DPF1: variants seen among roughly 807,000 people sequenced by gnomAD.
DPF1 encodes the protein zinc finger protein neuro-d4.
A neutral mutation model predicts 58.7 loss-of-function variants in DPF1; 14 were observed. That is an observed-to-expected ratio of 0.24 (90% CI 0.16 to 0.37). DPF1 has a LOEUF of 0.37. Ranked by LOEUF, DPF1 falls within the 10% of genes least tolerant of loss-of-function variation. The pLI is 1.00. For synonymous variants in DPF1, 216 were observed against 216.0 expected (o/e 1.00, Z 0.00); for missense variants, 345 against 529.9 (o/e 0.65, Z 3.43).
Position 38,213,632 on chromosome 19 carries a change from G to T in DPF1, c.1011+12C>A. 1.2e-6 allele frequency: 2 copies of T among 1,609,704 alleles called. No individual in the cohort carries two copies. The highest frequency in any genetic ancestry group is 1.7e-6 in the Non-Finnish European group (2 of 1,177,068). On this transcript the variant is annotated intron_variant, in intron 10 of 11. Transcript: ENST00000355526. ...CGGGCAGCAGGGCACGCGGGGGGCG[G>T]GCGGCACTCACGTCGTTCTCGGAGG... is the stretch of plus-strand genomic sequence containing the variant.
Position 38,222,804 on chromosome 19 carries a change from G to C in DPF1, c.30-96C>G. ...CCCGGCTGCCGGGCCGCCCAGGCTC[G>C]GGAGGGGTGGGCCGACCCCTCCAGC... On this transcript the variant is annotated intron_variant, in intron 1 of 11. Transcript: ENST00000355526. This position sits in a 1 kb window ranked among gnomAD's most constrained non-coding sequence, Gnocchi z 4.9. The C allele has an allele frequency of 1.4e-6, 2 of 1,407,900 alleles. No individual in the cohort carries two copies. The highest frequency in any genetic ancestry group is 1.9e-6 in the Non-Finnish European group (2 of 1,079,372). The allele number at this position is 1,407,900 out of a possible 1,614,324, so 87.2% of individuals were successfully genotyped here. A position where few individuals can be genotyped will look rare whatever the true frequency, so the allele number is the denominator to read the frequency against.
Position 38,224,079 on chromosome 19 carries a change from G to A in DPF1, c.29+35C>T. On this transcript the variant is annotated intron_variant, in intron 1 of 11. Coordinates refer to ENST00000355526, the MANE Select transcript of DPF1 (RefSeq NM_001135155.3). The surrounding 1 kb of genome is among the most constrained non-coding windows in gnomAD (Gnocchi z 4.5). ...CACACAGGCCCGCGTAGACCCGCCC[G>A]CGCTTCCTCTCCGCCTCCCGCCGGC... is the stretch of plus-strand genomic sequence containing the variant. The A allele has an allele frequency of 6.7e-7, 1 of 1,492,784 alleles. No homozygotes were observed. The highest frequency in any genetic ancestry group is 1.4e-5 in the South Asian group (1 of 72,390). The allele number at this position is 1,492,784 out of a possible 1,614,324, so 92.5% of individuals were successfully genotyped here.
chr19:38,218,719 G>T, intron 4 of DPF1, 57 bp from the exon 5 acceptor site: 1 of 1,593,032 alleles, frequency 6.3e-7, no homozygotes, highest in Non-Finnish European at 8.6e-7. Flanking sequence ...ACCTGCTTTT[G>T]AGGGGCTCTG....
chr19:38,220,186 AGAAG>A (rs1318611499), intron 3 of DPF1, among the ~76,000 whole-genome samples: 2 of 150,602 alleles, frequency 1.3e-5, no homozygotes, highest in African/African-American at 4.9e-5. Context: ...AAAGAAAGGA[AGAAG>A]GAAGGAAGGA....
In DPF1 at chr19:38,216,187, G is replaced by T. The variant is rs1004539756; in HGVS notation, c.851C>A (p.Thr284Lys). ...CDFCLGGSKK[T>K]GCPEDLISCA... ...GGAGATGAGGTCCTCGGGACACCCC[G>T]TCTTCTTGGAGCCCCCCAGGCAGAA... Residue 284 changes from threonine (T) to lysine (K), a missense_variant, in exon 9 of 12, where the codon ACG becomes AAG. Thr to Lys is a moderately conservative substitution (Grantham distance 78). Transcript: ENST00000355526. 2 of 1,613,966 alleles carry T rather than the reference G, an allele frequency of 1.2e-6. No homozygotes were observed. Among genetic ancestry groups the T allele is most frequent in the African/African-American group, 2.7e-5 (2 of 74,916 alleles).
Position 38,211,902 on chromosome 19 carries a change from CAG to C in DPF1, c.*159_*160del. 1 of 752,334 alleles carries C rather than the reference CAG, an allele frequency of 1.3e-6. No individual in the cohort carries two copies. Among genetic ancestry groups the C allele is most frequent in the Non-Finnish European group, 2.1e-6 (1 of 469,182 alleles). The allele number at this position is 752,334 out of a possible 1,614,324, so 46.6% of individuals were successfully genotyped here. On this transcript the variant is annotated 3_prime_UTR_variant, in exon 12 of 12. Transcript: ENST00000355526. The surrounding 1 kb of genome is among the most constrained non-coding windows in gnomAD (Gnocchi z 4.0). ...TGGCCGGGCCCACCCACCCACAGGG[CAG>C]ACATTCCACTTGCACAGAGGGGAGG... is the stretch of plus-strand genomic sequence containing the variant.
intron 3 of DPF1, among the ~76,000 whole-genome samples, chr19:38,221,237 GA>G (rs1379657252): frequency 3.3e-5 from 5 of 152,086 alleles, no homozygotes; most frequent in Admixed American, 3.3e-4. Flanking sequence ...GGCACCCACA[GA>G]AAAAAATACA....
chr19:38,226,368 C>T (rs543777222), upstream of DPF1, among the ~76,000 whole-genome samples: 2 of 149,940 alleles, frequency 1.3e-5, no homozygotes, highest in African/African-American at 2.5e-5. Context: ...GTAATTAACA[C>T]GCCCACAAAC....
chr19:38,221,906 ACC>A (rs1169377416), intron 3 of DPF1, among the ~76,000 whole-genome samples: 2 of 151,914 alleles, frequency 1.3e-5, no homozygotes, highest in Non-Finnish European at 2.9e-5. Flanking sequence ...ACATGGTGAA[ACC>A]CCGTTTCTAC....
chr19:38,216,000 G>A (rs1439444303), intron 9 of DPF1, 140 bp downstream of exon 9: 14 of 1,404,128 alleles, frequency 1.0e-5, no homozygotes, highest in African/African-American at 2.9e-5. Context: ...CATCAGCCTC[G>A]CTAGCTCTGG....
At chr19:38,217,976 G>C in intron 5 of DPF1, 100 bp from the exon 6 acceptor site, 1 of 1,212,514 alleles carries the variant, frequency 8.2e-7, no homozygotes. Context: ...GGCCGAGGCA[G>C]GCGGATCACG....
intron 8 of DPF1, 44 bp from the exon 9 acceptor site, chr19:38,216,303 AC>A (rs1568626896): frequency 6.2e-7 from 1 of 1,610,950 alleles, no homozygotes; most frequent in Non-Finnish European, 8.5e-7. Flanking sequence ...AGGCAAGGGC[AC>A]CCCGCAAAGG....
chr19:38,222,400 G>A lies in DPF1; in HGVS notation c.255C>T (p.Asn85=), dbSNP rs1967554427. The A allele has an allele frequency of 1.3e-6, 2 of 1,589,188 alleles. No individual in the cohort carries two copies. Among genetic ancestry groups the A allele is most frequent in the South Asian group, 1.1e-5 (1 of 87,372 alleles). ...GCCTGAGTCTGGGGTCCTCCAGGAT[G>A]TTGAGTCTCCGTTTCTTCCTCCAAC... ...ARCWRKKRRL[N]ILEDPRLRPC... Residue 85 remains asparagine (N), a synonymous_variant, in exon 3 of 12, where the codon AAC becomes AAT. Transcript: ENST00000355526. This position sits in a 1 kb window ranked among gnomAD's most constrained non-coding sequence, Gnocchi z 4.9.
chr19:38,223,722 T>TA (rs761419103), intron 1 of DPF1: 12 of 168,958 alleles, frequency 7.1e-5, no homozygotes, highest in Admixed American at 3.8e-4. Flanking sequence ...CAAAAATTCT[T>TA]AAAAAAACCA....
chr19:38,212,250 GC>G, intron 11 of DPF1, 29 bp downstream of exon 11: 1 of 570,072 alleles, frequency 1.8e-6, no homozygotes, highest in Non-Finnish European at 2.7e-6. Context: ...CCACCCACCC[GC>G]CCCATGGGAT....
At chr19:38,216,431 C>T in intron 7 of DPF1, 28 bp from the exon 8 acceptor site, 1 of 1,557,604 alleles carries the variant, frequency 6.4e-7, no homozygotes, top group Non-Finnish European at 8.7e-7. Flanking sequence ...GAGAGAGGGA[C>T]TCTCACCACA....
In DPF1 at chr19:38,222,504, C is replaced by T. The variant is rs752236678; in HGVS notation, c.191-40G>A. ...GGGTGAGAGGGCGGCGGCGGTGGGG[C>T]GGCCTGGCCCCGCCCCGCCCTGCGC... On this transcript the variant is annotated intron_variant, in intron 2 of 11. Transcript: ENST00000355526. The surrounding 1 kb of genome is among the most constrained non-coding windows in gnomAD (Gnocchi z 4.9). 5.0e-6 allele frequency: 8 copies of T among 1,584,920 alleles called. 1 individual carries two copies. The highest frequency in any genetic ancestry group is 3.5e-5 in the South Asian group (3 of 86,926).
At chr19:38,218,812 A>C in intron 4 of DPF1, 119 bp downstream of exon 4, 3 of 1,552,464 alleles carry the variant, frequency 1.9e-6, no homozygotes, top group Non-Finnish European at 2.6e-6. Flanking sequence ...GGTGACTGGG[A>C]TGCCCAACAG....
Position 38,212,043 on chromosome 19 carries a change from T to C in DPF1, c.*20A>G, listed in dbSNP as rs1167999455. ...CAGGTAGGCGAGCACCACCCCAGAG[T>C]CGCGGCGAGCCGAGCCGGCCTAGGT... On this transcript the variant is annotated 3_prime_UTR_variant, in exon 12 of 12. Transcript: ENST00000355526. The C allele has an allele frequency of 1.2e-6, 2 of 1,600,562 alleles. No individual in the cohort carries two copies. Among genetic ancestry groups the C allele is most frequent in the East Asian group, 2.3e-5 (1 of 44,240 alleles).
Sources: allele counts gnomAD v4.1 joint callset (sites outside exome capture counted in the v4.1 genomes callset), GRCh38; gene constraint gnomAD v4.1.1; non-coding constraint Gnocchi (gnomAD v3.1); transcripts MANE v1.5; gene names NCBI Gene and HGNC (gene_info 2026-07-23, HGNC 2026-07-21).